XYLB: variants seen among roughly 807,000 people sequenced by gnomAD.
The protein encoded by XYLB is xylulokinase.
In XYLB, 62 loss-of-function variants were observed where a neutral mutation model predicts 78.7. The ratio of observed to expected loss-of-function variants is 0.79; its 90% CI spans 0.64 to 0.97. XYLB has a LOEUF of 0.97. XYLB is among the 50% of genes least tolerant of loss of function. The pLI is 0.00. For synonymous variants in XYLB, 245 were observed against 247.4 expected (o/e 0.99, Z 0.09); for missense variants, 687 against 676.8 (o/e 1.02, Z -0.17).
intron 10 of XYLB, among the ~76,000 whole-genome samples, chr3:38,373,216 C>G (rs1706668161): frequency 6.6e-6 from 1 of 152,138 alleles, no homozygotes; most frequent in African/African-American, 2.4e-5. Flanking sequence ...CTTCCTCCTC[C>G]TCTCCTCTGG....
At chr3:38,434,978 G>A in the XYLB span, among the ~76,000 whole-genome samples, 7 of 151,954 alleles carry the variant, frequency 4.6e-5, no homozygotes, top group Non-Finnish European at 7.4e-5. Context: ...ATATCATAGC[G>A]AAACAAAAAT....
chr3:38,382,031 G>A (rs1308957236), intron 15 of XYLB, among the ~76,000 whole-genome samples: 1 of 152,132 alleles, frequency 6.6e-6, no homozygotes, highest in East Asian at 1.9e-4. Context: ...TACCAACGTG[G>A]GATGTCTCCC....
intron 9 of XYLB, among the ~76,000 whole-genome samples, chr3:38,370,938 T>TA (rs1706524493): frequency 6.6e-6 from 1 of 151,888 alleles, no homozygotes; most frequent in Admixed American, 6.6e-5. Flanking sequence ...GGGAAATGCT[T>TA]ACCACAGAGC....
the XYLB span, among the ~76,000 whole-genome samples, chr3:38,436,327 A>G: frequency 6.6e-6 from 1 of 152,162 alleles, no homozygotes; most frequent in African/African-American, 2.4e-5. Context: ...AACAGAAGAA[A>G]TGGAAAAATT....
chr3:38,425,962 G>A (rs1295840400), downstream of XYLB, among the ~76,000 whole-genome samples: 1 of 152,150 alleles, frequency 6.6e-6, no homozygotes, highest in Non-Finnish European at 1.5e-5. Context: ...AACCCAAGAA[G>A]GAGTATGGAT....
chr3:38,434,394 G>T, the XYLB span, among the ~76,000 whole-genome samples: 15 of 152,058 alleles, frequency 9.9e-5, no homozygotes, highest in African/African-American at 2.9e-4. Flanking sequence ...AAACCTTACA[G>T]GTCAGAAGAT....
intron 15 of XYLB, among the ~76,000 whole-genome samples, chr3:38,394,185 T>A (rs963501667): frequency 1.3e-5 from 2 of 152,214 alleles, no homozygotes; most frequent in East Asian, 1.9e-4. Context: ...TTTATTTAGA[T>A]ATTCTTTTTT....
At chr3:38,436,372 G>C in the XYLB span, among the ~76,000 whole-genome samples, 1 of 152,092 alleles carries the variant, frequency 6.6e-6, no homozygotes, top group Admixed American at 6.6e-5. Flanking sequence ...TTTGAACCAA[G>C]AAGAAATAGA....
In XYLB at chr3:38,395,511, A is replaced by G; in HGVS notation, c.1298A>G (p.Lys433Arg). 6.2e-7 allele frequency: 1 copy of G among 1,614,240 alleles called. No individual in the cohort carries two copies. The highest frequency in any genetic ancestry group is 8.5e-7 in the Non-Finnish European group (1 of 1,180,042). Reference sequence around the variant, plus strand: ...TTTTTCTTTTCCCTTGCAGTGTCCAAGACAAAGATTTTGGCCACAGGAGGA... The same window carrying G: ...TTTTTCTTTTCCCTTGCAGTGTCCAGGACAAAGATTTTGGCCACAGGAGGA... ...AEGLGYRVMS[K>R]TKILATGGAS... Residue 433 changes from lysine (K) to arginine (R), a missense_variant, in exon 16 of 19, where the codon AAG becomes AGG. Transcript: ENST00000207870.
downstream of XYLB, among the ~76,000 whole-genome samples, chr3:38,425,260 G>T (rs1231507395): frequency 6.6e-6 from 1 of 152,190 alleles, no homozygotes. Flanking sequence ...ACAGTCATGG[G>T]CATTCCAGCT....
intron 17 of XYLB, among the ~76,000 whole-genome samples, chr3:38,397,651 T>C (rs1411699487): frequency 6.6e-6 from 1 of 152,124 alleles, no homozygotes; most frequent in Non-Finnish European, 1.5e-5. Context: ...AGCTCCCCGA[T>C]CTAGGCGAGT....
the XYLB span, among the ~76,000 whole-genome samples, chr3:38,432,960 C>T: frequency 6.6e-6 from 1 of 152,228 alleles, no homozygotes; most frequent in East Asian, 1.9e-4. Flanking sequence ...GACAGTGCCC[C>T]AGTGGGAACT....
At chr3:38,369,973 T>G in intron 8 of XYLB, 83 bp from the exon 9 acceptor site, 1 of 1,172,618 alleles carries the variant, frequency 8.5e-7, no homozygotes, top group South Asian at 1.2e-5. Context: ...GCAAGAGAAT[T>G]ATCTGCTCTG....
At chr3:38,415,392 CT>C (rs1708753103), downstream of XYLB, among the ~76,000 whole-genome samples, 1 of 152,160 alleles carries the variant, frequency 6.6e-6, no homozygotes, top group Admixed American at 6.5e-5. Context: ...AGCAAAAGGA[CT>C]GGACATGACC....
intron 18 of XYLB, among the ~76,000 whole-genome samples, chr3:38,410,674 A>G (rs932554652): frequency 6.6e-6 from 1 of 152,174 alleles, no homozygotes; most frequent in Non-Finnish European, 1.5e-5. Context: ...CAATGAACTC[A>G]AACAAATTTA....
chr3:38,433,336 T>C, the XYLB span, among the ~76,000 whole-genome samples: 1 of 152,244 alleles, frequency 6.6e-6, no homozygotes, highest in Non-Finnish European at 1.5e-5. Context: ...AGGGCTGCCC[T>C]GAAGTTCTCT....
At chr3:38,381,062 G>A (rs1707120232) in intron 15 of XYLB, among the ~76,000 whole-genome samples, 2 of 152,188 alleles carry the variant, frequency 1.3e-5, no homozygotes, top group Admixed American at 1.3e-4. Context: ...CTTGAGTCCA[G>A]GAGTTCGAGA....
chr3:38,352,574 A>G (rs1177250023), intron 2 of XYLB, among the ~76,000 whole-genome samples: 3 of 152,218 alleles, frequency 2.0e-5, no homozygotes, highest in Admixed American at 2.0e-4. Context: ...TGGGAGGCTG[A>G]AGCGGGTGGA....
At chr3:38,384,848 A>T (rs186731002) in intron 15 of XYLB, among the ~76,000 whole-genome samples, 1 of 152,172 alleles carries the variant, frequency 6.6e-6, no homozygotes, top group African/African-American at 2.4e-5. Context: ...CAGAAATGCT[A>T]TTACATTCTA....
Sources: gnomAD v4.1 joint callset for allele counts (sites outside exome capture counted in the v4.1 genomes callset) on GRCh38, gnomAD v4.1.1 for gene constraint, MANE v1.5 for transcripts, NCBI Gene and HGNC (gene_info 2026-07-23, HGNC 2026-07-21) for gene names.